The following ZNF827 variants were observed in gnomAD, a reference collection of about 807,000 sequenced individuals.
The protein encoded by ZNF827 is zinc finger protein 827.
Under a neutral mutation model 102.4 loss-of-function variants are expected in ZNF827, and 13 were observed. The ratio of observed to expected loss-of-function variants is 0.13; its 90% confidence interval spans 0.08 to 0.20. The LOEUF is 0.20. Ranked by LOEUF, ZNF827 falls within the 10% of genes least tolerant of loss-of-function variation. ZNF827 has a pLI of 1.00. For missense variants in ZNF827, 1,103 were observed against 1,344.4 expected, an observed-to-expected ratio of 0.82 and a Z score of 2.81; for synonymous variants, 523 against 536.2, an observed-to-expected ratio of 0.98 and a Z score of 0.34.
At chr4:145,890,565 G>T (rs1426577524) in intron 3 of ZNF827, among the ~76,000 whole-genome samples, 1 of 152,156 alleles carries the variant, frequency 6.6e-6, no homozygotes, top group Admixed American at 6.5e-5. Context: ...AGCTTACAAG[G>T]TGTCAGGCTA....
intron 1 of ZNF827, among the ~76,000 whole-genome samples, chr4:145,914,422 A>C (rs1752527087): frequency 6.6e-6 from 1 of 152,230 alleles, no homozygotes; most frequent in Non-Finnish European, 1.5e-5. Flanking sequence ...AGAATCCATG[A>C]GAGCAAAGGA....
rs146919068 is a variant in ZNF827 at position 145,900,702 on chromosome 4, G to A, written c.1093+1464C>T. On this transcript the variant is annotated intron_variant, in intron 2 of 14. Coordinates refer to ENST00000508784, the MANE Select transcript of ZNF827 (RefSeq NM_001306215.2). ...TAGGATTACAGGTGTGAGCCACTGC[G>A]CCCGGCCTAAAATTTTATTTTATAT... Among the ~76,000 whole-genome samples, 379 of 152,160 alleles carry A rather than the reference G, an allele frequency of 2.5e-3. 2 individuals are homozygous for A. The highest frequency in any genetic ancestry group is 8.7e-3 in the African/African-American group (363 of 41,528).
intron 1 of ZNF827, among the ~76,000 whole-genome samples, chr4:145,913,935 G>T (rs1422817885): frequency 6.6e-6 from 1 of 152,002 alleles, no homozygotes; most frequent in Non-Finnish European, 1.5e-5. Context: ...AAACAAAAAT[G>T]AACACCCCCA....
At chr4:145,855,668 C>T (rs1042129588) in intron 5 of ZNF827, among the ~76,000 whole-genome samples, 5 of 152,204 alleles carry the variant, frequency 3.3e-5, no homozygotes, top group African/African-American at 1.2e-4. Flanking sequence ...TGGCTAAGCC[C>T]CAGATCTACT....
At chr4:145,889,335 A>G (rs1442923448) in intron 3 of ZNF827, among the ~76,000 whole-genome samples, 4 of 152,292 alleles carry the variant, frequency 2.6e-5, no homozygotes, top group African/African-American at 7.2e-5. Context: ...CAGGCTGGGC[A>G]CTGTATTAAG....
At chr4:145,783,965 C>G (rs1738482918) in intron 8 of ZNF827, among the ~76,000 whole-genome samples, 3 of 152,116 alleles carry the variant, frequency 2.0e-5, no homozygotes, top group Admixed American at 1.3e-4. Flanking sequence ...CATGGTCTCT[C>G]TGGTGCTGTT....
At chr4:145,886,289 A>C in intron 3 of ZNF827, 131 bp from the exon 4 acceptor site, 3 of 1,383,914 alleles carry the variant, frequency 2.2e-6, no homozygotes, top group Admixed American at 3.1e-5. Flanking sequence ...AGAGCATTTC[A>C]CTATGGGGCT....
chr4:145,884,542 C>A (rs1450182377), intron 4 of ZNF827, among the ~76,000 whole-genome samples: 1 of 152,154 alleles, frequency 6.6e-6, no homozygotes, highest in East Asian at 1.9e-4. Flanking sequence ...CTCCACCGAC[C>A]TTTCCCCACC....
intron 1 of ZNF827, among the ~76,000 whole-genome samples, chr4:145,916,047 C>A (rs979063969): frequency 1.3e-5 from 2 of 152,248 alleles, no homozygotes; most frequent in African/African-American, 4.8e-5. Flanking sequence ...GTTGGGCCGC[C>A]AAGGCCTCAG....
chr4:145,774,899 T>C (rs559256003), intron 10 of ZNF827, among the ~76,000 whole-genome samples: 1 of 152,322 alleles, frequency 6.6e-6, no homozygotes, highest in South Asian at 2.1e-4. Context: ...AACAATCACA[T>C]ATGTGTTATA....
rs1464726555 is a variant in ZNF827 at position 145,760,672 on chromosome 4, AG to A, written c.*943del. 10 of 776,780 alleles carry A rather than the reference AG, an allele frequency of 1.3e-5. No homozygotes were observed. Among genetic ancestry groups the A allele is most frequent in the African/African-American group, 5.7e-5 (3 of 52,782 alleles). 48.1% of individuals were successfully genotyped at this position (776,780 alleles called of 1,614,324 possible). A position where few individuals can be genotyped will look rare whatever the true frequency, so the allele number is the denominator to read the frequency against. ...ATGTTCCAGACCCATCGGGGTCTGT[AG>A]GTTTTGCAGCAACATACACCTGCTG... On this transcript the variant is annotated 3_prime_UTR_variant, in exon 15 of 15. Transcript: ENST00000508784.
intron 8 of ZNF827, among the ~76,000 whole-genome samples, chr4:145,797,596 C>G (rs903679049): frequency 3.9e-5 from 6 of 152,184 alleles, no homozygotes; most frequent in Non-Finnish European, 8.8e-5. Context: ...CCCATCTGCT[C>G]CTTCTCTCCC....
chr4:145,918,508 CA>C lies in ZNF827; in HGVS notation c.44-15294del, dbSNP rs369146146. ...TGGGCAAAAAAGTAAGACCCAGTCT[CA>C]AAAAAAAAAAAAAAAATTCCGATAT... On this transcript the variant is annotated intron_variant, in intron 1 of 14. Coordinates refer to ENST00000508784, the MANE Select transcript of ZNF827 (RefSeq NM_001306215.2). Among the ~76,000 whole-genome samples the C allele has an allele frequency of 2.1e-3, 278 of 132,174 alleles. 1 individual carries two copies. Among genetic ancestry groups the C allele is most frequent in the Admixed American group, 2.7e-3 (36 of 13,176 alleles). 86.7% of individuals were successfully genotyped at this position (132,174 alleles called of 152,430 possible).
At chr4:145,772,220 A>T (rs919820759) in intron 11 of ZNF827, among the ~76,000 whole-genome samples, 1 of 152,230 alleles carries the variant, frequency 6.6e-6, no homozygotes, top group African/African-American at 2.4e-5. Flanking sequence ...AGGTACATTG[A>T]TTCCCCACTT....
At chr4:145,918,754 GCTTTGT>G (rs1229113846) in intron 1 of ZNF827, among the ~76,000 whole-genome samples, 10 of 152,124 alleles carry the variant, frequency 6.6e-5, no homozygotes, top group Non-Finnish European at 8.8e-5. Context: ...GCACAGCCCT[GCTTTGT>G]CTTTGATCTT....
intron 2 of ZNF827, among the ~76,000 whole-genome samples, chr4:145,898,009 G>A (rs977086388): frequency 2.8e-4 from 42 of 152,176 alleles, no homozygotes; most frequent in African/African-American, 8.7e-4. Flanking sequence ...ACAAAAATTA[G>A]TCGGGTGTGG....
At chr4:145,869,123 C>T (rs1748468347) in intron 5 of ZNF827, among the ~76,000 whole-genome samples, 1 of 152,204 alleles carries the variant, frequency 6.6e-6, no homozygotes, top group African/African-American at 2.4e-5. Flanking sequence ...GTAATGATTG[C>T]ATTATGCTTT....
chr4:145,930,301 C>CATGA (rs1313169984), intron 1 of ZNF827, among the ~76,000 whole-genome samples: 1 of 152,192 alleles, frequency 6.6e-6, no homozygotes, highest in African/African-American at 2.4e-5. Context: ...TGGCCTTCTT[C>CATGA]AGTCTCCTTT....
intron 8 of ZNF827, among the ~76,000 whole-genome samples, chr4:145,819,441 A>C (rs1195920442): frequency 6.6e-6 from 1 of 152,214 alleles, no homozygotes; most frequent in Non-Finnish European, 1.5e-5. Context: ...AGATGATGGG[A>C]AACAGGGACA....
Sources: allele counts gnomAD v4.1 joint callset (sites outside exome capture counted in the v4.1 genomes callset), GRCh38; gene constraint gnomAD v4.1.1; transcripts MANE v1.5; gene names NCBI Gene and HGNC (gene_info 2026-07-23, HGNC 2026-07-21).